NCAPD2: variants seen among roughly 807,000 people sequenced by gnomAD.
NCAPD2 encodes non-SMC condensin I complex subunit D2, also known as condensin complex subunit 1.
NCAPD2 carries 100 observed loss-of-function variants against 164.5 expected under a neutral mutation model. The observed-to-expected ratio is 0.61, with a 90% confidence interval of 0.52 to 0.72. NCAPD2 has a LOEUF of 0.72. Among genes scored for constraint, NCAPD2 ranks in the 30% least tolerant of loss-of-function variants. The pLI is 0.00. For synonymous variants in NCAPD2, 585 were observed against 642.6 expected, an observed-to-expected ratio of 0.91 and a Z score of 1.36; for missense variants, 1,560 against 1,749.2, an observed-to-expected ratio of 0.89 and a Z score of 1.93.
rs139703310 is a variant in NCAPD2, at chr12:6,523,882, G to A, written c.2214+536G>A. 5.6e-4 allele frequency among the ~76,000 whole-genome samples: 86 copies of A among 152,288 alleles called. No individual in the cohort carries two copies. In the East Asian group the frequency reaches 0.012, roughly 22 times the overall value. ...AATAAAGTGCCAGAATGAGTTGTACGGGTAATGGTTGTCATAGCAATAATA... is the reference window on the plus strand; with the variant it reads ...AATAAAGTGCCAGAATGAGTTGTACAGGTAATGGTTGTCATAGCAATAATA... On this transcript the variant is annotated intron_variant, in intron 17 of 31. Coordinates refer to ENST00000315579, the MANE Select transcript of NCAPD2 (RefSeq NM_014865.4).
intron 17 of NCAPD2, among the ~76,000 whole-genome samples, chr12:6,524,450 C>T (rs184884697): frequency 2.0e-5 from 3 of 152,088 alleles, no homozygotes; most frequent in East Asian, 3.9e-4. Flanking sequence ...AGTTCGAGAC[C>T]AGCCTGGTCA....
intron 13 of NCAPD2, among the ~76,000 whole-genome samples, chr12:6,518,515 T>TTTG (rs1946230669): frequency 9.2e-6 from 1 of 109,248 alleles, no homozygotes; most frequent in African/African-American, 3.9e-5. Flanking sequence ...TTTTTTTTTT[T>TTTG]TTTTTTTTTT....
intron 15 of NCAPD2, among the ~76,000 whole-genome samples, chr12:6,522,254 C>A (rs765429708): frequency 6.6e-6 from 1 of 152,010 alleles, no homozygotes; most frequent in Non-Finnish European, 1.5e-5. Flanking sequence ...GAGTTCTTTT[C>A]CATATTTTAT....
Position 6,526,889 on chromosome 12 carries a change from A to T in NCAPD2, c.2735-2A>T. 1.2e-6 allele frequency: 2 copies of T among 1,607,124 alleles called. No homozygotes were observed. Among genetic ancestry groups the T allele is most frequent in the East Asian group, 4.5e-5 (2 of 44,792 alleles). ...CCCACCTTCCCTCTCCCTCTCCTCC[A>T]GAGGAGTCCCCCGCAATGCTCCCCA... On this transcript the variant is annotated splice_acceptor_variant, in intron 21 of 31. Transcript: ENST00000315579. LOFTEE classifies it high-confidence loss of function.
At chr12:6,496,405 T>C (rs373805327) in intron 2 of NCAPD2, among the ~76,000 whole-genome samples, 1 of 152,056 alleles carries the variant, frequency 6.6e-6, no homozygotes, top group African/African-American at 2.4e-5. Context: ...AAAAAGGAAT[T>C]TTCTTTTTGT....
Position 6,531,079 on chromosome 12 carries a change from A to G in NCAPD2, c.4120+3A>G, listed in dbSNP as rs772900861. The G allele has an allele frequency of 4.3e-6, 7 of 1,612,840 alleles. No homozygotes were observed. The East Asian group carries it at 8.9e-5, about 21-fold the overall frequency. On this transcript the variant is annotated splice_donor_region_variant and intron_variant, in intron 31 of 31. Transcript: ENST00000315579. This position sits in a 1 kb window ranked among gnomAD's most constrained non-coding sequence, Gnocchi z 4.1. Reference sequence around the variant, plus strand: ...AAGTGATGAGTCCAGTGAGGAAGGTATGATGCTCCCGCCTGTTCCCGGCCG... The same window carrying G: ...AAGTGATGAGTCCAGTGAGGAAGGTGTGATGCTCCCGCCTGTTCCCGGCCG...
chr12:6,529,930 T>C lies in NCAPD2; in HGVS notation c.3809T>C (p.Leu1270Pro). 1.9e-6 allele frequency: 3 copies of C among 1,614,060 alleles called. No homozygotes were observed. The highest frequency in any genetic ancestry group is 2.5e-6 in the Non-Finnish European group (3 of 1,179,918). The change falls in exon 29 of 32, where the codon CTG (leucine) becomes CCG (proline). Residue 1270 changes from leucine (L) to proline (P), a missense_variant. Physicochemically the swap from Leu to Pro is moderately conservative, Grantham distance 98. Transcript: ENST00000315579. ...GCTTTTTTGTCAGTTGTAGGCAAGC[T>C]GCGACGTGGGGCCAAGCCTGAGGGC... ...FSAFLSVVGK[L>P]RRGAKPEGKA...
chr12:6,511,560 C>T (rs538087703), intron 6 of NCAPD2, among the ~76,000 whole-genome samples: 29 of 152,128 alleles, frequency 1.9e-4, no homozygotes, highest in African/African-American at 6.5e-4. Context: ...AACTCCTAAC[C>T]TCAGGTGATC....
Position 6,514,395 on chromosome 12 carries a change from A to C in NCAPD2, c.715+3A>C. On this transcript the variant is annotated splice_donor_region_variant and intron_variant, in intron 7 of 31. Transcript: ENST00000315579. ...GACCCGTTATAACCATATGCTCAGT[A>C]AGTTACCAGTCGCTTTGCCCCGCCT... 1 of 1,614,168 alleles carries C rather than the reference A, an allele frequency of 6.2e-7. No homozygotes were observed. Among genetic ancestry groups the C allele is most frequent in the Non-Finnish European group, 8.5e-7 (1 of 1,180,034 alleles).
chr12:6,526,697 T>C, intron 21 of NCAPD2, 82 bp downstream of exon 21: 1 of 1,536,506 alleles, frequency 6.5e-7, no homozygotes, highest in South Asian at 1.2e-5. Flanking sequence ...ACCACCACTA[T>C]CTGCAACAAC....
chr12:6,517,795 A>G lies in NCAPD2; in HGVS notation c.1425A>G (p.Pro475=). 1 of 1,614,186 alleles carries G rather than the reference A, an allele frequency of 6.2e-7. No homozygotes were observed. The highest frequency in any genetic ancestry group is 8.5e-7 in the Non-Finnish European group (1 of 1,180,028). ...RTAAASAVLD[P]EEEWEAMLPE... ...CTCATTTAGCTGCAGTGCTGGACCC[A>G]GAGGAGGAGTGGGAAGCCATGCTGC... The change falls in exon 13 of 32, where the codon CCA becomes CCG. Residue 475 remains proline, a synonymous_variant. Coordinates refer to ENST00000315579, the MANE Select transcript of NCAPD2 (RefSeq NM_014865.4).
At chr12:6,525,117 G>A (rs564936809) in intron 17 of NCAPD2, among the ~76,000 whole-genome samples, 76 of 152,308 alleles carry the variant, frequency 5.0e-4, no homozygotes, top group Non-Finnish European at 8.2e-4. Context: ...TGCAGAATGG[G>A]CTTAATGGAA....
chr12:6,529,122 C>T (rs966466488), intron 27 of NCAPD2, 83 bp downstream of exon 27: 66 of 1,272,868 alleles, frequency 5.2e-5, no homozygotes, highest in Admixed American at 7.2e-5. Context: ...AATTCCACCT[C>T]GGCTACTCTT....
intron 2 of NCAPD2, among the ~76,000 whole-genome samples, chr12:6,500,038 G>T (rs1946020788): frequency 2.0e-5 from 3 of 152,092 alleles, no homozygotes; most frequent in Admixed American, 2.0e-4. Flanking sequence ...TGGGAGAATT[G>T]CTTGAGCCCA....
Position 6,526,192 on chromosome 12 carries a change from A to T in NCAPD2, c.2473A>T (p.Arg825Trp). The T allele has an allele frequency of 6.2e-7, 1 of 1,614,202 alleles. No homozygotes were observed. The highest frequency in any genetic ancestry group is 8.5e-7 in the Non-Finnish European group (1 of 1,180,046). Reference sequence around the variant, plus strand: ...CCATGCCATTGCCAACATCTCGGACAGGAGAAAGGTATGTGGGGGTGGTTC... The same window carrying T: ...CCATGCCATTGCCAACATCTCGGACTGGAGAAAGGTATGTGGGGGTGGTTC... Reference protein sequence around the residue: ...VCHAIANISDRRKPSLGKRHP... With the variant: ...VCHAIANISDWRKPSLGKRHP... The change falls in exon 19 of 32, where the codon AGG becomes TGG. Residue 825 changes from arginine (R) to tryptophan (W), a missense_variant. Transcript: ENST00000315579.
chr12:6,510,594 G>A (rs747877174), intron 4 of NCAPD2, 35 bp from the exon 5 acceptor site: 1 of 1,611,364 alleles, frequency 6.2e-7, no homozygotes, highest in Non-Finnish European at 8.5e-7. Context: ...TGAAAGAAGT[G>A]AGTGAAACTG....
intron 2 of NCAPD2, among the ~76,000 whole-genome samples, chr12:6,508,043 T>C (rs143038896): frequency 3.3e-5 from 5 of 151,632 alleles, no homozygotes; most frequent in African/African-American, 1.2e-4. Context: ...AAAAAAAAAT[T>C]AGCTGGGCCG....
At chr12:6,529,111 G>A in intron 27 of NCAPD2, 72 bp downstream of exon 27, 10 of 1,357,094 alleles carry the variant, frequency 7.4e-6, no homozygotes, top group Non-Finnish European at 1.0e-5. Flanking sequence ...ACCTGTATTT[G>A]AATTCCACCT....
chr12:6,521,636 G>A (rs1394787264), intron 14 of NCAPD2, among the ~76,000 whole-genome samples, 162 bp from the exon 15 acceptor site: 2 of 152,130 alleles, frequency 1.3e-5, no homozygotes, highest in Admixed American at 6.5e-5. Flanking sequence ...TGCAGTGAGC[G>A]GTGATCATTG....
Sources: allele counts gnomAD v4.1 joint callset (sites outside exome capture counted in the v4.1 genomes callset), GRCh38; gene constraint gnomAD v4.1.1; non-coding constraint Gnocchi (gnomAD v3.1); transcripts MANE v1.5; gene names NCBI Gene and HGNC (gene_info 2026-07-23, HGNC 2026-07-21).